Variants in CSMD1 observed in about 807,000 individuals in gnomAD.
The protein encoded by CSMD1 is CUB and Sushi multiple domains 1.
In CSMD1, 213 loss-of-function variants were observed where a neutral mutation model predicts 417.5. The ratio of observed to expected loss-of-function variants is 0.51; its 90% CI spans 0.46 to 0.57. CSMD1 has a LOEUF of 0.57. Ranked by LOEUF, CSMD1 falls within the 20% of genes least tolerant of loss-of-function variation. The pLI, the probability that CSMD1 is intolerant of heterozygous loss-of-function variation, is 0.00. For missense variants in CSMD1, 6,923 were observed against 4,529.7 expected (o/e 1.53, Z -15.17); for synonymous variants, 2,862 against 1,736.8 (o/e 1.65, Z -16.11).
chr8:4,445,354 T>C (rs1448007909), intron 2 of CSMD1, among the ~76,000 whole-genome samples: 1 of 152,230 alleles, frequency 6.6e-6, no homozygotes, highest in African/African-American at 2.4e-5. Context: ...ATGAAGTCTT[T>C]TCCTTAATAT....
intron 12 of CSMD1, among the ~76,000 whole-genome samples, chr8:3,449,330 C>G (rs768752853): frequency 1.5e-4 from 23 of 152,268 alleles, no homozygotes; most frequent in Non-Finnish European, 2.8e-4. Flanking sequence ...TCAGCACAAA[C>G]TCAATATAAT....
chr8:3,823,277 T>C lies in CSMD1; in HGVS notation c.819-69235A>G, dbSNP rs531339170. ...TTCAAAGTAATTCAGTTTTGCCAGA[T>C]AATGTCTGGAATCGCTTCCTCCTGC... On this transcript the variant is annotated intron_variant, in intron 5 of 69. Coordinates refer to ENST00000635120, the MANE Select transcript of CSMD1 (RefSeq NM_033225.6). 5.3e-5 allele frequency among the ~76,000 whole-genome samples: 8 copies of C among 152,290 alleles called. No homozygotes were observed. In the South Asian group the frequency reaches 1.7e-3, roughly 32 times the overall value.
At chr8:3,388,375 CAT>C (rs148080128) in intron 17 of CSMD1, among the ~76,000 whole-genome samples, 8,842 of 152,042 alleles carry the variant, frequency 0.058, 303 homozygotes, top group Middle Eastern at 0.082. Flanking sequence ...TTTAGAAAAA[CAT>C]ATATTTTAAG....
intron 3 of CSMD1, among the ~76,000 whole-genome samples, chr8:4,076,618 G>C (rs963455929): frequency 6.6e-6 from 1 of 152,110 alleles, no homozygotes; most frequent in Non-Finnish European, 1.5e-5. Flanking sequence ...TTTGATAGTT[G>C]CCTGTTACCT....
intron 7 of CSMD1, among the ~76,000 whole-genome samples, chr8:3,666,360 T>G (rs543303366): frequency 1.3e-5 from 2 of 152,342 alleles, no homozygotes; most frequent in African/African-American, 2.4e-5. Flanking sequence ...CCGTTTAAAA[T>G]GACATATTCA....
At chr8:4,584,019 G>A (rs1405480813) in intron 2 of CSMD1, among the ~76,000 whole-genome samples, 2 of 151,742 alleles carry the variant, frequency 1.3e-5, no homozygotes, top group South Asian at 2.1e-4. Flanking sequence ...AACTCCAGAT[G>A]CGCCGCCTTA....
intron 8 of CSMD1, among the ~76,000 whole-genome samples, chr8:3,599,796 C>A (rs537240089): frequency 1.3e-5 from 2 of 152,338 alleles, no homozygotes; most frequent in African/African-American, 2.4e-5. Flanking sequence ...ACTCCCACTT[C>A]TTTCCTCCTG....
chr8:3,080,838 G>A (rs1163051836), intron 49 of CSMD1, among the ~76,000 whole-genome samples: 1 of 152,060 alleles, frequency 6.6e-6, no homozygotes, highest in Non-Finnish European at 1.5e-5. Flanking sequence ...GGCCTTTTGG[G>A]GGCTACTTTG....
At chr8:4,637,287 C>T in intron 2 of CSMD1, 55 bp downstream of exon 2, 1 of 1,392,630 alleles carries the variant, frequency 7.2e-7, no homozygotes, top group Non-Finnish European at 1.0e-6. Context: ...AACTAGATTT[C>T]ATAATCTGTG....
At chr8:3,472,773 A>C (rs1020349554) in intron 11 of CSMD1, among the ~76,000 whole-genome samples, 17 of 152,130 alleles carry the variant, frequency 1.1e-4, no homozygotes, top group African/African-American at 4.1e-4. Flanking sequence ...CATAAGTATA[A>C]GGGGGAAAAC....
At chr8:3,510,144 C>G (rs577942264) in intron 10 of CSMD1, among the ~76,000 whole-genome samples, 2 of 149,510 alleles carry the variant, frequency 1.3e-5, no homozygotes, top group Admixed American at 1.3e-4. Context: ...GAATACATAT[C>G]TGTGTATATG....
At chr8:3,109,291 T>C (rs902431243) in intron 43 of CSMD1, among the ~76,000 whole-genome samples, 34 of 152,180 alleles carry the variant, frequency 2.2e-4, no homozygotes, top group African/African-American at 8.2e-4. Flanking sequence ...AAAAATAAAA[T>C]AAAAATGTCA....
intron 6 of CSMD1, among the ~76,000 whole-genome samples, chr8:3,739,376 G>A (rs757360717): frequency 1.5e-4 from 23 of 152,132 alleles, no homozygotes; most frequent in East Asian, 3.8e-4. Context: ...CTTATTACAC[G>A]TTTACAAATA....
chr8:3,995,527 G>T (rs1815142750), intron 5 of CSMD1, among the ~76,000 whole-genome samples: 1 of 152,104 alleles, frequency 6.6e-6, no homozygotes, highest in African/African-American at 2.4e-5. Flanking sequence ...CTCAGACCTG[G>T]ACTACACTGA....
At chr8:3,599,163 CT>C (rs1801238752) in intron 8 of CSMD1, among the ~76,000 whole-genome samples, 1 of 126,722 alleles carries the variant, frequency 7.9e-6, no homozygotes, top group African/African-American at 3.1e-5. Flanking sequence ...GTGTGTGTGT[CT>C]GTGTGTGTGT....
intron 3 of CSMD1, among the ~76,000 whole-genome samples, chr8:4,109,444 T>G (rs1345716507): frequency 6.6e-6 from 1 of 152,204 alleles, no homozygotes; most frequent in Non-Finnish European, 1.5e-5. Flanking sequence ...ATTTGGGAAT[T>G]GAGTACCACA....
intron 3 of CSMD1, among the ~76,000 whole-genome samples, chr8:4,085,802 A>C (rs539847752): frequency 6.6e-6 from 1 of 152,306 alleles, no homozygotes; most frequent in African/African-American, 2.4e-5. Context: ...TCATAAAGAC[A>C]CCATGAAGCT....
chr8:4,048,902 C>A (rs537137322), intron 3 of CSMD1, among the ~76,000 whole-genome samples: 2 of 152,258 alleles, frequency 1.3e-5, no homozygotes, highest in East Asian at 1.9e-4. Context: ...CAAAAATAGT[C>A]TATTTGCTAA....
intron 3 of CSMD1, among the ~76,000 whole-genome samples, chr8:4,280,016 C>T (rs1480487999): frequency 1.3e-5 from 2 of 152,234 alleles, no homozygotes; most frequent in East Asian, 1.9e-4. Context: ...TCTGCTGCTT[C>T]CTTCCCAGCC....
Sources: gnomAD v4.1 joint callset for allele counts (sites outside exome capture counted in the v4.1 genomes callset) on GRCh38, gnomAD v4.1.1 for gene constraint, MANE v1.5 for transcripts, NCBI Gene and HGNC (gene_info 2026-07-23, HGNC 2026-07-21) for gene names.